Variants in HS3ST4 observed in about 807,000 individuals in gnomAD.
The protein encoded by HS3ST4 is heparan sulfate-glucosamine 3-sulfotransferase 4, also known as heparan sulfate glucosamine 3-O-sulfotransferase 4.
In HS3ST4, 17 loss-of-function variants were observed where a neutral mutation model predicts 29.2. The observed-to-expected ratio is 0.58, with a 90% CI of 0.40 to 0.87. HS3ST4 has a LOEUF of 0.87. HS3ST4 is among the 40% of genes least tolerant of loss of function. The pLI, the probability that HS3ST4 is intolerant of heterozygous loss-of-function variation, is 0.00. For missense variants in HS3ST4, 627 were observed against 634.5 expected, an observed-to-expected ratio of 0.99 and a Z score of 0.13; for synonymous variants, 314 against 285.7, an observed-to-expected ratio of 1.10 and a Z score of -1.00.
intron 1 of HS3ST4, among the ~76,000 whole-genome samples, chr16:25,952,107 G>A (rs750607889): frequency 6.6e-6 from 1 of 152,222 alleles, no homozygotes; most frequent in Non-Finnish European, 1.5e-5. Flanking sequence ...AACTGTTTAT[G>A]TAGTGTCTAT....
intron 1 of HS3ST4, among the ~76,000 whole-genome samples, chr16:26,087,284 G>A (rs11074748): frequency 0.48 from 73,657 of 152,030 alleles, 18,104 homozygotes; most frequent in Middle Eastern, 0.57. Context: ...CAGTGAATAG[G>A]ATTTCAATCA....
chr16:26,061,156 G>A (rs533183466), intron 1 of HS3ST4, among the ~76,000 whole-genome samples: 33 of 152,210 alleles, frequency 2.2e-4, no homozygotes, highest in Non-Finnish European at 4.1e-4. Flanking sequence ...GTAGAAACTT[G>A]TCAAAGTTCT....
At chr16:26,122,702 G>C (rs1207127158) in intron 1 of HS3ST4, among the ~76,000 whole-genome samples, 1 of 152,118 alleles carries the variant, frequency 6.6e-6, no homozygotes, top group Non-Finnish European at 1.5e-5. Context: ...CTGTGAATCA[G>C]AGCCATCATT....
At chr16:26,045,391 A>G (rs1898251916) in intron 1 of HS3ST4, among the ~76,000 whole-genome samples, 1 of 152,178 alleles carries the variant, frequency 6.6e-6, no homozygotes, top group African/African-American at 2.4e-5. Context: ...GCCTGTACTT[A>G]TTTGACCGAA....
intron 1 of HS3ST4, among the ~76,000 whole-genome samples, chr16:25,921,305 A>G (rs1225418307): frequency 6.6e-6 from 1 of 152,224 alleles, no homozygotes; most frequent in Non-Finnish European, 1.5e-5. Context: ...CTGAGCCCTC[A>G]CTATGTGTCA....
At chr16:25,786,047 G>A (rs1383804481) in intron 1 of HS3ST4, among the ~76,000 whole-genome samples, 3 of 152,116 alleles carry the variant, frequency 2.0e-5, no homozygotes, top group African/African-American at 7.2e-5. Flanking sequence ...ATTTGGGTGG[G>A]GAAGTAGGGA....
rs755412126 is a variant in HS3ST4, at chr16:25,746,855, A to G, written c.734+53704A>G. Among the ~76,000 whole-genome samples the G allele has an allele frequency of 3.9e-4, 59 of 151,776 alleles. 1 individual carries two copies. Among genetic ancestry groups the G allele is most frequent in the South Asian group, 2.3e-3 (11 of 4,792 alleles). ...TGTGAGCCACTGCGCCCAGCCCACA[A>G]TTGTTTTTATAGAGAGGGGGTCTTG... On this transcript the variant is annotated intron_variant, in intron 1 of 1. Coordinates refer to ENST00000331351, the MANE Select transcript of HS3ST4 (RefSeq NM_006040.3).
intron 1 of HS3ST4, among the ~76,000 whole-genome samples, chr16:25,708,150 G>A (rs1966388885): frequency 6.6e-6 from 1 of 152,202 alleles, no homozygotes; most frequent in African/African-American, 2.4e-5. Context: ...GTAACACTCA[G>A]CTATCCCTGC....
chr16:25,903,371 A>ATATGTATATGTATATAT (rs1264147913), intron 1 of HS3ST4, among the ~76,000 whole-genome samples: 7 of 147,932 alleles, frequency 4.7e-5, no homozygotes, highest in African/African-American at 1.7e-4. Flanking sequence ...TATCTTATAT[A>ATATGTATATGTATATAT]TATATATATA....
chr16:25,966,870 C>A (rs1968848164), intron 1 of HS3ST4, among the ~76,000 whole-genome samples: 1 of 152,132 alleles, frequency 6.6e-6, no homozygotes, highest in African/African-American at 2.4e-5. Flanking sequence ...AGTGGCTGGG[C>A]AGACACTGGA....
chr16:25,828,301 C>CCCTCTCT (rs1967253350), intron 1 of HS3ST4, among the ~76,000 whole-genome samples: 1 of 32,898 alleles, frequency 3.0e-5, no homozygotes, highest in East Asian at 9.9e-4. Context: ...TCTTTCTTTC[C>CCCTCTCT]CTCTCTCTCT....
chr16:25,911,291 G>A (rs1213179681), intron 1 of HS3ST4, among the ~76,000 whole-genome samples: 3 of 152,060 alleles, frequency 2.0e-5, no homozygotes, highest in East Asian at 1.9e-4. Flanking sequence ...TTATTAACAG[G>A]TGCCTGCAGA....
At chr16:25,875,370 A>T (rs1017641670) in intron 1 of HS3ST4, among the ~76,000 whole-genome samples, 1 of 152,124 alleles carries the variant, frequency 6.6e-6, no homozygotes, top group African/African-American at 2.4e-5. Flanking sequence ...GAGAATGCCA[A>T]ACAGTCTATT....
At chr16:26,101,147 A>G (rs578157117) in intron 1 of HS3ST4, among the ~76,000 whole-genome samples, 2 of 152,278 alleles carry the variant, frequency 1.3e-5, no homozygotes, top group Non-Finnish European at 2.9e-5. Context: ...CCAAGTTACC[A>G]TCATTTCTCC....
intron 1 of HS3ST4, among the ~76,000 whole-genome samples, chr16:25,867,995 G>A (rs888967440): frequency 2.0e-5 from 3 of 152,170 alleles, no homozygotes; most frequent in African/African-American, 7.2e-5. Context: ...GTATGGGTAG[G>A]TAGACTAGAT....
intron 1 of HS3ST4, among the ~76,000 whole-genome samples, chr16:26,100,680 TA>T (rs1186906728): frequency 2.0e-5 from 3 of 152,180 alleles, no homozygotes; most frequent in Admixed American, 1.3e-4. Flanking sequence ...ACCATTGCAT[TA>T]TTTTTCATGC....
intron 1 of HS3ST4, among the ~76,000 whole-genome samples, chr16:25,764,147 G>C (rs1397862682): frequency 6.6e-6 from 1 of 152,124 alleles, no homozygotes; most frequent in African/African-American, 2.4e-5. Context: ...GGTGTGTGCG[G>C]GAAGATGATG....
At chr16:26,129,564 A>G (rs1899390332) in intron 1 of HS3ST4, among the ~76,000 whole-genome samples, 1 of 152,224 alleles carries the variant, frequency 6.6e-6, no homozygotes, top group Non-Finnish European at 1.5e-5. Context: ...ACTCTATGAG[A>G]GTCACTCTTC....
intron 1 of HS3ST4, among the ~76,000 whole-genome samples, chr16:25,995,400 A>C (rs1039515656): frequency 1.3e-5 from 2 of 152,170 alleles, no homozygotes; most frequent in Admixed American, 6.5e-5. Flanking sequence ...CTTTTTATCT[A>C]TTCTGCGTAA....
Sources: gnomAD v4.1 joint callset for allele counts (sites outside exome capture counted in the v4.1 genomes callset) on GRCh38, gnomAD v4.1.1 for gene constraint, MANE v1.5 for transcripts, NCBI Gene and HGNC (gene_info 2026-07-23, HGNC 2026-07-21) for gene names.